The following ADAMTS16 variants were observed in gnomAD, a reference collection of about 807,000 sequenced individuals.
ADAMTS16 encodes ADAM metallopeptidase with thrombospondin type 1 motif 16.
A neutral mutation model predicts 145.8 loss-of-function variants in ADAMTS16; 94 were observed. That is an observed-to-expected ratio of 0.64 (90% CI 0.55 to 0.77). ADAMTS16 has a LOEUF of 0.77. Ranked by LOEUF, ADAMTS16 falls within the 30% of genes least tolerant of loss-of-function variation. ADAMTS16 has a pLI of 0.00. For synonymous variants in ADAMTS16, 659 were observed against 604.3 expected (o/e 1.09, Z -1.33); for missense variants, 1,585 against 1,591.5 (o/e 1.00, Z 0.07).
chr5:5,211,531 G>A (rs1163029682), intron 10 of ADAMTS16, among the ~76,000 whole-genome samples: 5 of 151,936 alleles, frequency 3.3e-5, no homozygotes, highest in African/African-American at 1.2e-4. Flanking sequence ...TGTAAAATTT[G>A]TTTGTTGGAT....
intron 18 of ADAMTS16, among the ~76,000 whole-genome samples, chr5:5,270,965 G>A (rs1738448902): frequency 6.6e-6 from 1 of 152,134 alleles, no homozygotes. Context: ...CCCACAGTTC[G>A]TGCTCTGTCT....
At chr5:5,213,236 G>C (rs1736325487) in intron 10 of ADAMTS16, among the ~76,000 whole-genome samples, 1 of 152,064 alleles carries the variant, frequency 6.6e-6, no homozygotes, top group Admixed American at 6.6e-5. Flanking sequence ...TTTTCCTATA[G>C]GTCTGTTTCA....
At chr5:5,248,535 C>A (rs1025486670) in intron 17 of ADAMTS16, among the ~76,000 whole-genome samples, 2 of 152,202 alleles carry the variant, frequency 1.3e-5, no homozygotes, top group African/African-American at 2.4e-5. Flanking sequence ...CTGCGTGATT[C>A]TGGCATTCAA....
chr5:5,222,909 C>T, intron 11 of ADAMTS16, 25 bp downstream of exon 11: 3 of 1,600,848 alleles, frequency 1.9e-6, no homozygotes, highest in Non-Finnish European at 1.7e-6. Flanking sequence ...GTAGGTACAG[C>T]ATCGTATTCA....
At chr5:5,232,309 A>G (rs1363850247) in intron 11 of ADAMTS16, 59 bp from the exon 12 acceptor site, 1 of 1,607,032 alleles carries the variant, frequency 6.2e-7, no homozygotes, top group African/African-American at 1.3e-5. Flanking sequence ...CAGTGATGAG[A>G]TGAACCCATC....
chr5:5,189,391 G>T (rs992082275), intron 6 of ADAMTS16, among the ~76,000 whole-genome samples: 1 of 152,212 alleles, frequency 6.6e-6, no homozygotes, highest in Non-Finnish European at 1.5e-5. Flanking sequence ...AACATGGCTT[G>T]CAAAGTCTCC....
In ADAMTS16 at chr5:5,146,411, T is replaced by A. The variant is rs781606784; in HGVS notation, c.457T>A (p.Ser153Thr). The A allele has an allele frequency of 1.4e-5, 23 of 1,613,272 alleles. No homozygotes were observed. The East Asian group carries it at 5.1e-4, about 36-fold the overall frequency. The change falls in exon 3 of 23, where the codon TCA becomes ACA. Residue 153 changes from serine to threonine, a missense_variant. Ser to Thr is a moderately conservative substitution (Grantham distance 58, BLOSUM62 1). Coordinates refer to ENST00000274181, the MANE Select transcript of ADAMTS16 (RefSeq NM_139056.4). The part of the protein sequence containing the change: ...DFCFYQGSLR[S>T]HRNSSVALST... Reference sequence around the variant, plus strand: ...CTGTTTCTATCAAGGCTCTTTGCGATCACACAGAAACTCCTCAGTGGCCCT... The same window carrying A: ...CTGTTTCTATCAAGGCTCTTTGCGAACACACAGAAACTCCTCAGTGGCCCT...
At chr5:5,275,450 ATAGT>A (rs1169904871) in intron 18 of ADAMTS16, among the ~76,000 whole-genome samples, 1 of 152,096 alleles carries the variant, frequency 6.6e-6, no homozygotes, top group African/African-American at 2.4e-5. Flanking sequence ...ATCAAATTCC[ATAGT>A]TATTTATTTA....
At position 5,207,408 on chromosome 5, in the gene ADAMTS16, G is replaced by A. The variant is rs142255926; in HGVS notation, c.1452-1685G>A. 3.7e-3 allele frequency among the ~76,000 whole-genome samples: 560 copies of A among 152,082 alleles called. 4 individuals are homozygous for A. Among genetic ancestry groups the A allele is most frequent in the African/African-American group, 0.012 (484 of 41,492 alleles). Reference sequence around the variant, plus strand: ...TAAGCTTTTATCCTGCAACTTTGCCGTAACTTATTAGTTCCAGGAGTTGCT... The same window carrying A: ...TAAGCTTTTATCCTGCAACTTTGCCATAACTTATTAGTTCCAGGAGTTGCT... On this transcript the variant is annotated intron_variant, in intron 9 of 22. Transcript: ENST00000274181.
intron 5 of ADAMTS16, among the ~76,000 whole-genome samples, chr5:5,187,019 C>A (rs774528665): frequency 2.6e-5 from 4 of 152,222 alleles, no homozygotes; most frequent in Non-Finnish European, 5.9e-5. Context: ...GATTTCTGGG[C>A]TCCCAGGAAG....
intron 8 of ADAMTS16, among the ~76,000 whole-genome samples, chr5:5,192,208 G>A (rs1156505796): frequency 6.6e-6 from 1 of 152,064 alleles, no homozygotes; most frequent in Non-Finnish European, 1.5e-5. Context: ...GTGCACATTT[G>A]AAAGCCACAG....
chr5:5,186,304 GTGTGTGTGTGTGT>G (rs1735498358), intron 5 of ADAMTS16, 53 bp downstream of exon 5: 19 of 1,082,178 alleles, frequency 1.8e-5, no homozygotes, highest in Non-Finnish European at 2.3e-5. Context: ...TTCGTAGGGT[GTGTGTGTGTGTGT>G]GTGTGTGTGT....
At chr5:5,145,708 G>C (rs553196090) in intron 2 of ADAMTS16, among the ~76,000 whole-genome samples, 51 of 152,262 alleles carry the variant, frequency 3.3e-4, no homozygotes, top group African/African-American at 1.1e-3. Context: ...TTCTTAAAGA[G>C]TAATCACCTT....
intron 21 of ADAMTS16, among the ~76,000 whole-genome samples, chr5:5,311,039 G>A (rs537979205): frequency 1.3e-5 from 2 of 152,194 alleles, no homozygotes; most frequent in African/African-American, 4.8e-5. Context: ...GACTCCTCCC[G>A]TGTCAAGCTA....
At chr5:5,220,191 A>G (rs6898698) in intron 10 of ADAMTS16, among the ~76,000 whole-genome samples, 139,669 of 143,260 alleles carry the variant, frequency 0.97, 68,104 homozygotes, top group East Asian at 1. Context: ...ATGGAGTCTC[A>G]CTCTGTCACC....
At chr5:5,227,260 T>C (rs1024559800) in intron 11 of ADAMTS16, among the ~76,000 whole-genome samples, 7 of 152,240 alleles carry the variant, frequency 4.6e-5, no homozygotes, top group African/African-American at 1.7e-4. Flanking sequence ...AGGTGTGACG[T>C]GCTTATTTTG....
chr5:5,238,954 G>A (rs1022770919), intron 14 of ADAMTS16, among the ~76,000 whole-genome samples, 197 bp from the exon 15 acceptor site: 1 of 152,196 alleles, frequency 6.6e-6, no homozygotes, highest in Non-Finnish European at 1.5e-5. Context: ...CGGTTTAAAA[G>A]CTTCCTACAT....
Position 5,239,824 on chromosome 5 carries a change from C to T in ADAMTS16, c.2422C>T (p.Arg808Trp), listed in dbSNP as rs1380263448. ...GCACTGGACCGTGGACTGGCCCGGC[C>T]GGTACAAATTTTCGGGCACTACTTT... ...NGHWTVDWPG[R>W]YKFSGTTFDY... is the part of the protein sequence containing the mutation. Residue 808 changes from arginine to tryptophan, a missense_variant, in exon 16 of 23, where the codon CGG becomes TGG. By Grantham distance (101) the Arg-to-Trp change is moderately radical (BLOSUM62 -3). Around this residue, in one of 3 missense-constraint regions of ADAMTS16, gnomAD observed 834 missense variants for 811.7 expected, o/e 1.03. Coordinates refer to ENST00000274181, the MANE Select transcript of ADAMTS16 (RefSeq NM_139056.4). The T allele has an allele frequency of 5.0e-6, 8 of 1,614,038 alleles. No individual in the cohort carries two copies. Among genetic ancestry groups the T allele is most frequent in the African/African-American group, 2.7e-5 (2 of 74,986 alleles).
intron 3 of ADAMTS16, among the ~76,000 whole-genome samples, chr5:5,179,371 G>T (rs1735278221): frequency 6.6e-6 from 1 of 151,976 alleles, no homozygotes; most frequent in South Asian, 2.1e-4. Context: ...GCAAGTGTTT[G>T]CATATCAAAA....
Sources: gnomAD v4.1 joint callset for allele counts (sites outside exome capture counted in the v4.1 genomes callset) on GRCh38, gnomAD v4.1.1 for gene constraint, gnomAD v4.1.1 regional missense constraint, MANE v1.5 for transcripts, NCBI Gene and HGNC (gene_info 2026-07-23, HGNC 2026-07-21) for gene names.